Variants in PLS1 observed in about 807,000 individuals in gnomAD.
The protein encoded by PLS1 is plastin-1.
In PLS1, 32 loss-of-function variants were observed where a neutral mutation model predicts 73.7. The observed-to-expected ratio is 0.43, with a 90% CI of 0.33 to 0.58. The LOEUF (loss-of-function observed/expected upper bound fraction) is 0.58. PLS1 is among the 20% of genes least tolerant of loss of function. The pLI is 0.04. For synonymous variants in PLS1, 217 were observed against 261.3 expected (o/e 0.83, Z 1.63); for missense variants, 633 against 740.5 (o/e 0.85, Z 1.68).
rs757367347 is a variant in PLS1, at chr3:142,671,153, G to T, written c.364+31G>T. The T allele has an allele frequency of 2.5e-6, 4 of 1,573,590 alleles. No homozygotes were observed. In the South Asian group the frequency reaches 3.3e-5, roughly 13 times the overall value. On this transcript the variant is annotated intron_variant, in intron 4 of 15. Coordinates refer to ENST00000457734, the MANE Select transcript of PLS1 (RefSeq NM_001145319.2). ...TGACTTCTCCAAATTTGATCTTTTA[G>T]TCACTGATTCATTGATTAAGTGACA...
At chr3:142,659,467 A>C (rs2037315196) in intron 1 of PLS1, among the ~76,000 whole-genome samples, 1 of 152,150 alleles carries the variant, frequency 6.6e-6, no homozygotes, top group African/African-American at 2.4e-5. Context: ...AGTAATGTGT[A>C]TCTTTAGACC....
rs376888133 is a variant in PLS1, at chr3:142,616,897, C to T, written c.-37+20388C>T. 3.5e-4 allele frequency among the ~76,000 whole-genome samples: 54 copies of T among 152,246 alleles called. No homozygotes were observed. In the South Asian group the frequency reaches 5.2e-3, roughly 15 times the overall value. On this transcript the variant is annotated intron_variant, in intron 1 of 15. Transcript: ENST00000457734. ...GATTACAGGTGTGAGCCACCGCACC[C>T]GGCCAGTGACACAATTATTTATGTC...
chr3:142,604,736 C>T (rs1206575148), intron 1 of PLS1, among the ~76,000 whole-genome samples: 1 of 152,094 alleles, frequency 6.6e-6, no homozygotes, highest in East Asian at 1.9e-4. Context: ...ATATTGAGAC[C>T]ATCCTGGCTA....
At chr3:142,613,795 C>T (rs76975197) in intron 1 of PLS1, among the ~76,000 whole-genome samples, 168 of 152,306 alleles carry the variant, frequency 1.1e-3, no homozygotes, top group Middle Eastern at 6.8e-3. Flanking sequence ...TTTTATTGCA[C>T]TGTGATTGTT....
intron 9 of PLS1, among the ~76,000 whole-genome samples, chr3:142,687,236 AG>A (rs2037988822): frequency 6.6e-6 from 1 of 151,076 alleles, no homozygotes; most frequent in African/African-American, 2.4e-5. Flanking sequence ...AAAAAAAAAA[AG>A]GTGCAAAAAA....
chr3:142,597,254 C>G (rs1353485157), intron 1 of PLS1: 1 of 152,136 alleles, frequency 6.6e-6, no homozygotes, highest in Non-Finnish European at 1.5e-5. Flanking sequence ...GTTGGATACA[C>G]TTGTATGAGG....
chr3:142,701,262 G>A (rs1457904303), intron 12 of PLS1, among the ~76,000 whole-genome samples: 2 of 152,114 alleles, frequency 1.3e-5, no homozygotes, highest in Admixed American at 6.5e-5. Flanking sequence ...CACCCTCAGG[G>A]AGCAGATCTG....
At chr3:142,658,337 G>A (rs1287546017) in intron 1 of PLS1, among the ~76,000 whole-genome samples, 1 of 152,054 alleles carries the variant, frequency 6.6e-6, no homozygotes, top group Non-Finnish European at 1.5e-5. Flanking sequence ...TTAGCCAGAT[G>A]TGGTGATGGG....
chr3:142,614,129 C>A (rs1256641428), intron 1 of PLS1, among the ~76,000 whole-genome samples: 1 of 152,172 alleles, frequency 6.6e-6, no homozygotes, highest in South Asian at 2.1e-4. Flanking sequence ...AGTCAGGCCA[C>A]TTTGGGATTT....
chr3:142,641,915 C>T (rs73000174), intron 1 of PLS1, among the ~76,000 whole-genome samples: 2,528 of 151,968 alleles, frequency 0.017, 58 homozygotes, highest in African/African-American at 0.059. Context: ...CTGCCTCTTC[C>T]CAGTTTTGGC....
chr3:142,705,893 A>G (rs2038451809), intron 14 of PLS1, among the ~76,000 whole-genome samples: 1 of 152,082 alleles, frequency 6.6e-6, no homozygotes, highest in Non-Finnish European at 1.5e-5. Flanking sequence ...AACTAATGAC[A>G]TTGAGTTTTT....
In PLS1 at chr3:142,684,360, T is replaced by C; in HGVS notation, c.853T>C (p.Trp285Arg). 1 of 1,613,758 alleles carries C rather than the reference T, an allele frequency of 6.2e-7. No homozygotes were observed. Among genetic ancestry groups the C allele is most frequent in the Admixed American group, 1.7e-5 (1 of 60,028 alleles). ...WVNYHLTNAGWHTISNFSQDI... is the reference protein window; with the variant it reads ...WVNYHLTNAGRHTISNFSQDI... Reference sequence around the variant, plus strand: ...GAACTACCATCTGACCAATGCAGGATGGCATACCATCAGCAACTTCAGCCA... The same window carrying C: ...GAACTACCATCTGACCAATGCAGGACGGCATACCATCAGCAACTTCAGCCA... The change falls in exon 8 of 16, where the codon TGG becomes CGG. Residue 285 changes from tryptophan to arginine, a missense_variant. Trp to Arg is a moderately radical substitution (Grantham distance 101). Transcript: ENST00000457734.
At chr3:142,624,949 T>G (rs2140434) in intron 1 of PLS1, among the ~76,000 whole-genome samples, 32,215 of 145,102 alleles carry the variant, frequency 0.22, 4,131 homozygotes, top group African/African-American at 0.44. Context: ...AGGAGGAGGA[T>G]AACATTCTTT....
intron 2 of PLS1, among the ~76,000 whole-genome samples, chr3:142,668,085 T>C (rs1304599633): frequency 1.3e-5 from 2 of 152,126 alleles, no homozygotes; most frequent in East Asian, 3.8e-4. Flanking sequence ...GAACAAGAAA[T>C]ATAGGAAACA....
At chr3:142,697,876 A>G (rs1020714790) in intron 11 of PLS1, 77 bp from the exon 12 acceptor site, 4 of 750,550 alleles carry the variant, frequency 5.3e-6, no homozygotes, top group Non-Finnish European at 9.5e-6. Context: ...ATATAAGTCT[A>G]TCTCCAGTGT....
At chr3:142,615,757 G>A (rs2036203747) in intron 1 of PLS1, among the ~76,000 whole-genome samples, 1 of 152,010 alleles carries the variant, frequency 6.6e-6, no homozygotes, top group African/African-American at 2.4e-5. Flanking sequence ...AAGAGGGAAG[G>A]GGCAAACCAT....
intron 1 of PLS1, among the ~76,000 whole-genome samples, chr3:142,645,138 ATAGT>A (rs1677504187): frequency 2.0e-5 from 3 of 152,216 alleles, no homozygotes; most frequent in African/African-American, 7.2e-5. Flanking sequence ...TAATAATTTG[ATAGT>A]TAATTATTTG....
chr3:142,604,763 T>A (rs1319424092), intron 1 of PLS1, among the ~76,000 whole-genome samples: 1 of 151,996 alleles, frequency 6.6e-6, no homozygotes, highest in Non-Finnish European at 1.5e-5. Flanking sequence ...TGAAACCCCG[T>A]CTCTACTAAA....
intron 9 of PLS1, among the ~76,000 whole-genome samples, 189 bp from the exon 10 acceptor site, chr3:142,689,429 C>A (rs373577092): frequency 8.3e-4 from 123 of 148,590 alleles, no homozygotes; most frequent in African/African-American, 2.9e-3. Flanking sequence ...TCTCTAAATA[C>A]ATAAATAAAT....
Sources: allele counts gnomAD v4.1 joint callset (sites outside exome capture counted in the v4.1 genomes callset), GRCh38; gene constraint gnomAD v4.1.1; transcripts MANE v1.5; gene names NCBI Gene and HGNC (gene_info 2026-07-23, HGNC 2026-07-21).